Variants in GAB2 observed in about 807,000 individuals in gnomAD.
GAB2 encodes the protein GRB2-associated-binding protein 2.
A neutral mutation model predicts 65.5 loss-of-function variants in GAB2; 26 were observed. The observed-to-expected ratio is 0.40, with a 90% CI of 0.29 to 0.55. The LOEUF is 0.55. GAB2 is among the 20% of genes least tolerant of loss of function. GAB2 has a pLI of 0.53. For missense variants in GAB2, 884 were observed against 875.8 expected (o/e 1.01, Z -0.12); for synonymous variants, 321 against 329.6 (o/e 0.97, Z 0.28).
rs773684611 is a variant in GAB2, at chr11:78,226,448, C to T, written c.1207+17G>A. On this transcript the variant is annotated intron_variant, in intron 4 of 9. Coordinates refer to ENST00000361507, the MANE Select transcript of GAB2 (RefSeq NM_080491.3). The stretch of plus-strand genomic sequence containing the variant: ...ACCTCCTCCTCCCTCTGAGTCTCAG[C>T]TAGGACTTATACTGACCTCGGTGAA... The T allele has an allele frequency of 3.1e-6, 5 of 1,590,870 alleles. No homozygotes were observed. The highest frequency in any genetic ancestry group is 4.3e-6 in the Non-Finnish European group (5 of 1,158,704).
intron 3 of GAB2, 109 bp from the exon 4 acceptor site, chr11:78,227,160 T>C (rs982332633): frequency 1.4e-6 from 1 of 708,208 alleles, no homozygotes; most frequent in African/African-American, 1.8e-5. Context: ...ATCTGTAAAA[T>C]GGTGACTAAA....
chr11:78,277,546 C>T (rs1304981648), intron 2 of GAB2, among the ~76,000 whole-genome samples: 2 of 152,248 alleles, frequency 1.3e-5, no homozygotes, highest in Non-Finnish European at 2.9e-5. Context: ...GTCTCAAGCA[C>T]GCACACTATG....
intron 1 of GAB2, among the ~76,000 whole-genome samples, chr11:78,405,421 A>C (rs1857031139): frequency 6.6e-6 from 1 of 152,158 alleles, no homozygotes; most frequent in Admixed American, 6.5e-5. Flanking sequence ...TTTAATGAGA[A>C]GACTTGGTTT....
At chr11:78,242,022 T>C (rs942445853) in intron 3 of GAB2, among the ~76,000 whole-genome samples, 13 of 152,242 alleles carry the variant, frequency 8.5e-5, no homozygotes, top group African/African-American at 3.1e-4. Context: ...TGTGACATTC[T>C]ATAGGACAGA....
At position 78,219,288 on chromosome 11, in the gene GAB2, T is replaced by C. The variant is rs1864299321; in HGVS notation, c.2015A>G (p.Lys672Arg). 12 of 1,613,502 alleles carry C rather than the reference T, an allele frequency of 7.4e-6. No homozygotes were observed. The East Asian group carries it at 1.1e-4, about 15-fold the overall frequency. The change falls in exon 10 of 10, where the codon AAG becomes AGG. Residue 672 changes from lysine to arginine, a missense_variant. By Grantham distance (26) the Lys-to-Arg change is conservative. Transcript: ENST00000361507. The stretch of plus-strand genomic sequence containing the variant: ...GCCCTCTCATCACAGCTTGGCACCC[T>C]TGGAAGGCTCTGAGGACTGCCGCAC... The part of the protein sequence containing the change: ...TDVRQSSEPS[K>R]GAKL
intron 1 of GAB2, among the ~76,000 whole-genome samples, chr11:78,401,367 C>G (rs1453808984): frequency 1.3e-5 from 2 of 152,210 alleles, no homozygotes; most frequent in Non-Finnish European, 2.9e-5. Flanking sequence ...ACTCTAGTAC[C>G]TCACATAAGT....
chr11:78,220,296 C>T (rs1864355503), intron 9 of GAB2, 23 bp downstream of exon 9: 7 of 1,611,268 alleles, frequency 4.3e-6, no homozygotes, highest in African/African-American at 1.3e-5. Flanking sequence ...CTCTTACTGC[C>T]CCCCCAACTC....
chr11:78,329,279 A>G (rs776402977), intron 1 of GAB2, among the ~76,000 whole-genome samples: 31 of 152,214 alleles, frequency 2.0e-4, no homozygotes, highest in Non-Finnish European at 3.5e-4. Flanking sequence ...AGAGTTTATA[A>G]GGCCAGTCTT....
chr11:78,409,379 G>C (rs771968802), intron 1 of GAB2, among the ~76,000 whole-genome samples: 1 of 152,190 alleles, frequency 6.6e-6, no homozygotes, highest in Non-Finnish European at 1.5e-5. Context: ...GAGGTCAGGA[G>C]TTCGAGACCA....
intron 3 of GAB2, among the ~76,000 whole-genome samples, chr11:78,243,903 A>T (rs2134510239): frequency 6.6e-6 from 1 of 152,278 alleles, no homozygotes; most frequent in East Asian, 1.9e-4. Flanking sequence ...TAGAAATCCT[A>T]ACAGAAATGG....
intron 1 of GAB2, among the ~76,000 whole-genome samples, chr11:78,325,545 T>G (rs1219664369): frequency 6.6e-6 from 1 of 152,206 alleles, no homozygotes; most frequent in Non-Finnish European, 1.5e-5. Context: ...GCAAGAATGT[T>G]GTAGAGGACA....
intron 1 of GAB2, among the ~76,000 whole-genome samples, chr11:78,375,159 C>T (rs1856617497): frequency 6.6e-6 from 1 of 152,230 alleles, no homozygotes; most frequent in Non-Finnish European, 1.5e-5. Context: ...ATCCTCCCGC[C>T]TCAGCCTCCC....
chr11:78,266,074 G>C (rs1049280828), intron 2 of GAB2, among the ~76,000 whole-genome samples: 6 of 151,852 alleles, frequency 4.0e-5, no homozygotes, highest in African/African-American at 1.5e-4. Context: ...AATTTGCCGG[G>C]TGTGGTGGCG....
intron 1 of GAB2, among the ~76,000 whole-genome samples, chr11:78,356,739 T>G (rs569615652): frequency 7.2e-4 from 109 of 152,242 alleles, no homozygotes; most frequent in African/African-American, 2.6e-3. Context: ...TGAAAGCAGG[T>G]GGAAGCAACC....
chr11:78,362,223 T>C (rs1856443851), intron 1 of GAB2, among the ~76,000 whole-genome samples: 1 of 152,100 alleles, frequency 6.6e-6, no homozygotes, highest in African/African-American at 2.4e-5. Flanking sequence ...ACATACATTA[T>C]AAAGATAAAT....
intron 3 of GAB2, among the ~76,000 whole-genome samples, chr11:78,232,766 G>A (rs1055741368): frequency 6.6e-6 from 1 of 152,170 alleles, no homozygotes; most frequent in African/African-American, 2.4e-5. Context: ...ATAGATAGAA[G>A]GCTGGTATTA....
chr11:78,349,354 G>A (rs1019217140), intron 1 of GAB2, among the ~76,000 whole-genome samples: 6 of 152,138 alleles, frequency 3.9e-5, no homozygotes, highest in African/African-American at 1.4e-4. Context: ...TTAATGAGGT[G>A]TCTGGTACTA....
intron 2 of GAB2, among the ~76,000 whole-genome samples, chr11:78,272,064 A>G (rs947742029): frequency 4.6e-5 from 7 of 152,230 alleles, no homozygotes; most frequent in African/African-American, 1.4e-4. Flanking sequence ...AGGCCTCCCC[A>G]GCCACATGGA....
intron 1 of GAB2, among the ~76,000 whole-genome samples, chr11:78,294,679 T>C (rs2134612106): frequency 6.6e-6 from 1 of 152,316 alleles, no homozygotes; most frequent in Non-Finnish European, 1.5e-5. Flanking sequence ...GGAAACTGGC[T>C]AGCCATATGT....
Sources: allele counts gnomAD v4.1 joint callset (sites outside exome capture counted in the v4.1 genomes callset), GRCh38; gene constraint gnomAD v4.1.1; transcripts MANE v1.5; gene names NCBI Gene and HGNC (gene_info 2026-07-23, HGNC 2026-07-21).